The following WSCD2 variants were observed in gnomAD, a reference collection of about 807,000 sequenced individuals.
WSCD2 encodes the protein sialate:O-sulfotransferase 2.
In WSCD2, 28 loss-of-function variants were observed where a neutral mutation model predicts 55.7. The observed-to-expected ratio is 0.50, with a 90% CI of 0.37 to 0.69. The LOEUF is 0.69. WSCD2 is among the 30% of genes least tolerant of loss of function. The pLI is 0.00. For synonymous variants in WSCD2, 301 were observed against 301.9 expected (o/e 1.00, Z 0.03); for missense variants, 616 against 762.1 (o/e 0.81, Z 2.26).
At chr12:108,213,486 G>C (rs1041312620) in intron 4 of WSCD2, among the ~76,000 whole-genome samples, 2 of 152,188 alleles carry the variant, frequency 1.3e-5, no homozygotes, top group African/African-American at 4.8e-5. Context: ...TTTTATATTT[G>C]TAGAAACTGT....
chr12:108,138,240 G>A (rs974537478), intron 1 of WSCD2, among the ~76,000 whole-genome samples: 1 of 152,218 alleles, frequency 6.6e-6, no homozygotes, highest in Non-Finnish European at 1.5e-5. Flanking sequence ...ACTGGGACAG[G>A]ACATTGGATG....
chr12:108,173,825 T>C (rs1385955193), intron 1 of WSCD2, among the ~76,000 whole-genome samples: 1 of 150,386 alleles, frequency 6.6e-6, no homozygotes, highest in Non-Finnish European at 1.5e-5. Context: ...TGTGTGTGTG[T>C]GTGTGTGTGT....
chr12:108,213,994 G>A (rs561384143), intron 4 of WSCD2, among the ~76,000 whole-genome samples: 2 of 152,316 alleles, frequency 1.3e-5, no homozygotes, highest in Admixed American at 1.3e-4. Flanking sequence ...ACTCAGTGGT[G>A]CCTTCGATTT....
intron 1 of WSCD2, among the ~76,000 whole-genome samples, chr12:108,166,117 G>C (rs568688344): frequency 1.5e-3 from 234 of 152,320 alleles, no homozygotes; most frequent in Non-Finnish European, 2.7e-3. Flanking sequence ...GAGAAACACT[G>C]ATGTATTGAA....
At chr12:108,149,266 C>T (rs898845473) in intron 1 of WSCD2, among the ~76,000 whole-genome samples, 2 of 152,210 alleles carry the variant, frequency 1.3e-5, no homozygotes, top group Non-Finnish European at 2.9e-5. Context: ...TGGGAAACCT[C>T]TGAGCAAATG....
chr12:108,134,337 GCCATGTGA>G (rs1208213849), intron 1 of WSCD2, among the ~76,000 whole-genome samples: 1 of 152,198 alleles, frequency 6.6e-6, no homozygotes, highest in Non-Finnish European at 1.5e-5. Flanking sequence ...TTGGGGTTCG[GCCATGTGA>G]CCAGGTTTGG....
chr12:108,209,592 G>A (rs569946643), intron 3 of WSCD2, among the ~76,000 whole-genome samples: 1 of 152,048 alleles, frequency 6.6e-6, no homozygotes, highest in South Asian at 2.1e-4. Flanking sequence ...CAGGTGGATG[G>A]TCCCTGGGTG....
At chr12:108,173,538 T>G (rs1438908546) in intron 1 of WSCD2, among the ~76,000 whole-genome samples, 1 of 142,548 alleles carries the variant, frequency 7.0e-6, no homozygotes, top group Non-Finnish European at 1.5e-5. Flanking sequence ...GACCAGGTGC[T>G]TCTCAGGAGT....
intron 2 of WSCD2, among the ~76,000 whole-genome samples, chr12:108,197,615 G>C (rs1299443989): frequency 6.6e-6 from 1 of 152,120 alleles, no homozygotes; most frequent in East Asian, 1.9e-4. Context: ...TAGATGCTTA[G>C]AGGTGCTCAG....
intron 1 of WSCD2, among the ~76,000 whole-genome samples, chr12:108,156,499 T>A (rs1878524952): frequency 6.6e-6 from 1 of 152,202 alleles, no homozygotes; most frequent in Admixed American, 6.5e-5. Flanking sequence ...GACCTTGGGT[T>A]GTTGAGCAGA....
At chr12:108,229,027 G>A (rs980499593) in intron 6 of WSCD2, among the ~76,000 whole-genome samples, 2 of 152,170 alleles carry the variant, frequency 1.3e-5, no homozygotes, top group Non-Finnish European at 2.9e-5. Flanking sequence ...CCTTTTCAAC[G>A]CAGATAACAA....
Position 108,249,268 on chromosome 12 carries a change from G to C in WSCD2, c.*925G>C, listed in dbSNP as rs1382909986. The C allele has an allele frequency of 6.6e-6, 1 of 152,608 alleles. No homozygotes were observed. Among genetic ancestry groups the C allele is most frequent in the Non-Finnish European group, 1.5e-5 (1 of 68,064 alleles). The allele number at this position is 152,608 out of a possible 1,614,324, so 9.5% of individuals were successfully genotyped here. A position where few individuals can be genotyped will look rare whatever the true frequency, so the allele number is the denominator to read the frequency against. The stretch of plus-strand genomic sequence containing the variant: ...TACAAATGGGTCCTTTGCTATCCAG[G>C]TGAGACAGCAAGAGTGTTCTTAATC... On this transcript the variant is annotated 3_prime_UTR_variant, in exon 9 of 9. Transcript: ENST00000547525.
At chr12:108,168,058 C>G (rs1565929824) in intron 1 of WSCD2, among the ~76,000 whole-genome samples, 1 of 152,072 alleles carries the variant, frequency 6.6e-6, no homozygotes, top group Admixed American at 6.6e-5. Flanking sequence ...ATTGAAGGAG[C>G]CTCTCTCTCT....
At chr12:108,179,761 T>G (rs1367622083) in intron 1 of WSCD2, among the ~76,000 whole-genome samples, 1 of 152,244 alleles carries the variant, frequency 6.6e-6, no homozygotes, top group Non-Finnish European at 1.5e-5. Flanking sequence ...ACTTATGACC[T>G]GCGTCACCTT....
chr12:108,227,743 T>TGAC (rs1448948144), intron 6 of WSCD2, among the ~76,000 whole-genome samples: 2 of 151,270 alleles, frequency 1.3e-5, no homozygotes, highest in Admixed American at 1.3e-4. Flanking sequence ...ATGATGATGA[T>TGAC]GATGATGATG....
chr12:108,170,256 C>T (rs1327940865), intron 1 of WSCD2, among the ~76,000 whole-genome samples: 1 of 152,090 alleles, frequency 6.6e-6, no homozygotes, highest in Non-Finnish European at 1.5e-5. Flanking sequence ...TTAGGAAACT[C>T]ACTTAATGCA....
At chr12:108,154,615 G>A (rs900802070) in intron 1 of WSCD2, among the ~76,000 whole-genome samples, 1 of 152,172 alleles carries the variant, frequency 6.6e-6, no homozygotes, top group Non-Finnish European at 1.5e-5. Context: ...CTTTGGGGTA[G>A]CATTCTACTC....
intron 1 of WSCD2, among the ~76,000 whole-genome samples, chr12:108,170,265 C>A (rs986675356): frequency 2.6e-5 from 4 of 152,180 alleles, no homozygotes; most frequent in Admixed American, 2.6e-4. Context: ...TCACTTAATG[C>A]AGGTCCAGCA....
chr12:108,224,377 G>A (rs760876884), intron 4 of WSCD2, among the ~76,000 whole-genome samples: 54 of 152,162 alleles, frequency 3.5e-4, no homozygotes, highest in Non-Finnish European at 6.9e-4. Context: ...AAAATCCTCC[G>A]TGTACTTGAT....
Sources: allele counts gnomAD v4.1 joint callset (sites outside exome capture counted in the v4.1 genomes callset), GRCh38; gene constraint gnomAD v4.1.1; transcripts MANE v1.5; gene names NCBI Gene and HGNC (gene_info 2026-07-23, HGNC 2026-07-21).